PCDHGA2: variants seen among roughly 807,000 people sequenced by gnomAD.
PCDHGA2 encodes the protein protocadherin gamma-A2.
A neutral mutation model predicts 59.2 loss-of-function variants in PCDHGA2; 40 were observed. The observed-to-expected ratio is 0.68, with a 90% confidence interval of 0.52 to 0.88. The LOEUF is 0.88. PCDHGA2 is among the 40% of genes least tolerant of loss of function. The pLI is 0.00. For synonymous variants in PCDHGA2, 560 were observed against 526.0 expected (o/e 1.06, Z -0.89); for missense variants, 1,226 against 1,204.0 (o/e 1.02, Z -0.27).
chr5:141,431,435 G>C lies in PCDHGA2; in HGVS notation c.2425-63372G>C, dbSNP rs376827063. The C allele has an allele frequency of 6.2e-7, 1 of 1,613,668 alleles. No homozygotes were observed. The highest frequency in any genetic ancestry group is 1.7e-5 in the Admixed American group (1 of 60,010). On this transcript the variant is annotated intron_variant, in intron 1 of 3. Coordinates refer to ENST00000394576, the MANE Select transcript of PCDHGA2 (RefSeq NM_018915.4). This position sits in a 1 kb window ranked among gnomAD's most constrained non-coding sequence, Gnocchi z 4.8. ...GGGCGACCCGGTGCGCACAGGCACC[G>C]CGCGCATCCGCGTGATGGTTCTGGA...
At chr5:141,361,609 G>C in intron 1 of PCDHGA2, 2 of 1,613,956 alleles carry the variant, frequency 1.2e-6, no homozygotes, top group Middle Eastern at 1.6e-4. Flanking sequence ...CTACTCCATC[G>C]TAGCGAGCGA....
At chr5:141,387,629 G>T (rs1361387129) in intron 1 of PCDHGA2, 7 of 579,598 alleles carry the variant, frequency 1.2e-5, no homozygotes, top group African/African-American at 3.7e-5. Context: ...CTGACTCTGG[G>T]CGCCGCTGTT....
At chr5:141,360,081 C>T in intron 1 of PCDHGA2, 6 of 1,486,284 alleles carry the variant, frequency 4.0e-6, no homozygotes, top group Admixed American at 2.5e-5. Flanking sequence ...CCGGATTCTG[C>T]CATCCCCGGA....
Position 141,343,704 on chromosome 5 carries a change from G to C in PCDHGA2, c.2424+2309G>C, listed in dbSNP as rs184376889. The C allele has an allele frequency of 7.9e-4, 170 of 215,370 alleles. 2 individuals are homozygous for C. The Middle Eastern group carries it at 0.017, about 21-fold the overall frequency. The allele number at this position is 215,370 out of a possible 1,614,324, so 13.3% of individuals were successfully genotyped here. A position where few individuals can be genotyped will look rare whatever the true frequency, so the allele number is the denominator to read the frequency against. On this transcript the variant is annotated intron_variant, in intron 1 of 3. Coordinates refer to ENST00000394576, the MANE Select transcript of PCDHGA2 (RefSeq NM_018915.4). Reference sequence around the variant, plus strand: ...ACACTAGTCCTCTTATCTCTGACAAGAAGGATTTCAGATCTTGGATAATTC... The same window carrying C: ...ACACTAGTCCTCTTATCTCTGACAACAAGGATTTCAGATCTTGGATAATTC...
chr5:141,388,919 G>T, intron 1 of PCDHGA2: 1 of 1,613,998 alleles, frequency 6.2e-7, no homozygotes. Flanking sequence ...CCCCAGAAGT[G>T]ATATTCCAGT....
At chr5:141,408,392 C>G in intron 1 of PCDHGA2, 1 of 1,614,002 alleles carries the variant, frequency 6.2e-7, no homozygotes, top group South Asian at 1.1e-5. Context: ...TGTGTCGGCT[C>G]GCAAGCTGCG....
At chr5:141,370,903 A>C (rs1767302300) in intron 1 of PCDHGA2, 20 of 1,614,048 alleles carry the variant, frequency 1.2e-5, no homozygotes, top group Non-Finnish European at 1.5e-5. Context: ...CTGCAGCAGT[A>C]CTACCTCAGC....
chr5:141,345,024 G>T (rs72790006), intron 1 of PCDHGA2: 42,587 of 1,613,916 alleles, frequency 0.026, 730 homozygotes, highest in East Asian at 0.041. Context: ...TCTTTCAAGA[G>T]CCAAGATTCT....
Position 141,384,980 on chromosome 5 carries a change from T to A in PCDHGA2, c.2424+43585T>A, listed in dbSNP as rs772144829. The A allele has an allele frequency of 1.1e-5, 18 of 1,614,040 alleles. No individual in the cohort carries two copies. In the South Asian group the frequency reaches 1.6e-4, roughly 15 times the overall value. On this transcript the variant is annotated intron_variant, in intron 1 of 3. Coordinates refer to ENST00000394576, the MANE Select transcript of PCDHGA2 (RefSeq NM_018915.4). Reference sequence around the variant, plus strand: ...AACTATGACCTCACGTTGTACCTGGTGGTGGCGGTGGCCACAGTCTCCTGC... The same window carrying A: ...AACTATGACCTCACGTTGTACCTGGAGGTGGCGGTGGCCACAGTCTCCTGC...
chr5:141,460,924 A>ATG (rs1333352687), intron 1 of PCDHGA2, among the ~76,000 whole-genome samples: 26 of 150,590 alleles, frequency 1.7e-4, no homozygotes, highest in South Asian at 6.3e-4. Flanking sequence ...ATATATATAT[A>ATG]TGTGTGTGTG....
At chr5:141,412,939 C>G in intron 1 of PCDHGA2, 1 of 461,988 alleles carries the variant, frequency 2.2e-6, no homozygotes, top group Non-Finnish European at 3.8e-6. Context: ...TCTTAGGACT[C>G]TGAGCGCCGC....
chr5:141,345,891 G>A (rs949105791), intron 1 of PCDHGA2: 1 of 1,613,176 alleles, frequency 6.2e-7, no homozygotes, highest in Non-Finnish European at 8.5e-7. Flanking sequence ...CTTCTCGGTG[G>A]GTCTGCACAC....
chr5:141,346,373 C>T (rs1757745041), intron 1 of PCDHGA2: 1 of 1,614,264 alleles, frequency 6.2e-7, no homozygotes, highest in Non-Finnish European at 8.5e-7. Context: ...ACACGCTCAT[C>T]AGCCAGGAGA....
At chr5:141,473,189 A>G (rs1049891105) in intron 1 of PCDHGA2, among the ~76,000 whole-genome samples, 2 of 152,198 alleles carry the variant, frequency 1.3e-5, no homozygotes, top group Admixed American at 6.5e-5. Flanking sequence ...GAAGGAGTAA[A>G]TGTATCTTCT....
At chr5:141,479,486 A>T (rs72790065) in intron 1 of PCDHGA2, 21,264 of 152,292 alleles carry the variant, frequency 0.14, 1,529 homozygotes, top group Admixed American at 0.16. Context: ...GGGCAGGACC[A>T]TCAGGTTGCC....
rs2099411033 is a variant in PCDHGA2, at chr5:141,477,423, C to T, written c.2425-17384C>T. ...ACCGCCCGAGACGCCGGAACCCCTT[C>T]CCTCTCAGCCCTTACAATAGTGCGT... On this transcript the variant is annotated intron_variant, in intron 1 of 3. Coordinates refer to ENST00000394576, the MANE Select transcript of PCDHGA2 (RefSeq NM_018915.4). This position sits in a 1 kb window ranked among gnomAD's most constrained non-coding sequence, Gnocchi z 4.9. 1.9e-6 allele frequency: 3 copies of T among 1,614,196 alleles called. No individual in the cohort carries two copies. The highest frequency in any genetic ancestry group is 2.2e-5 in the East Asian group (1 of 44,882).
intron 1 of PCDHGA2, chr5:141,361,516 G>T (rs750174731): frequency 2.5e-6 from 4 of 1,613,942 alleles, no homozygotes; most frequent in Non-Finnish European, 3.4e-6. Context: ...CATGGTTCAC[G>T]TGGCAGAGAA....
intron 1 of PCDHGA2, chr5:141,399,623 C>A: frequency 6.2e-7 from 1 of 1,613,920 alleles, no homozygotes; most frequent in South Asian, 1.1e-5. Context: ...GCACTGGCCT[C>A]TTACGTGTCC....
intron 1 of PCDHGA2, chr5:141,383,889 G>A (rs1206410102): frequency 3.1e-6 from 5 of 1,613,938 alleles, no homozygotes; most frequent in Non-Finnish European, 4.2e-6. Context: ...GTCTGACAAA[G>A]GCAAAAGTAC....
Sources: allele counts gnomAD v4.1 joint callset (sites outside exome capture counted in the v4.1 genomes callset), GRCh38; gene constraint gnomAD v4.1.1; non-coding constraint Gnocchi (gnomAD v3.1); transcripts MANE v1.5; gene names NCBI Gene and HGNC (gene_info 2026-07-23, HGNC 2026-07-21).